Variants in KLF8 observed in about 807,000 individuals in gnomAD.
KLF8 encodes the protein KLF transcription factor 8.
Under a neutral mutation model 18.2 loss-of-function variants are expected in KLF8, and 10 were observed. That is an observed-to-expected ratio of 0.55 (90% CI 0.34 to 0.93). KLF8 has a LOEUF of 0.93. Ranked by LOEUF, KLF8 falls within the 40% of genes least tolerant of loss-of-function variation. The pLI, the probability that KLF8 is intolerant of heterozygous loss-of-function variation, is 0.02. For missense variants in KLF8, 264 were observed against 277.9 expected, an observed-to-expected ratio of 0.95 and a Z score of 0.36; for synonymous variants, 109 against 97.3, an observed-to-expected ratio of 1.12 and a Z score of -0.71.
the KLF8 span, among the ~76,000 whole-genome samples, chrX:56,199,204 A>G: frequency 8.9e-6 from 1 of 112,177 alleles, no homozygotes; most frequent in Non-Finnish European, 1.9e-5. Context: ...CTAAAACACC[A>G]AAAGAAATGG....
chrX:56,284,088 C>G (rs912066645), intron 5 of KLF8, among the ~76,000 whole-genome samples: 3 of 112,456 alleles, frequency 2.7e-5, no homozygotes, highest in African/African-American at 9.7e-5. Flanking sequence ...ATTAACTCGA[C>G]TTAGCCATTC....
the KLF8 span, among the ~76,000 whole-genome samples, chrX:56,110,250 A>G: frequency 9.0e-6 from 1 of 111,242 alleles, no homozygotes; most frequent in African/African-American, 3.3e-5. Flanking sequence ...TTTAACTTAA[A>G]GTGTTTTTTT....
chrX:56,130,527 C>A, the KLF8 span, among the ~76,000 whole-genome samples: 1 of 111,686 alleles, frequency 9.0e-6, no homozygotes, highest in African/African-American at 3.3e-5. Context: ...GATCTTCGCT[C>A]TGACATAGCC....
At chrX:56,130,504 G>A in the KLF8 span, among the ~76,000 whole-genome samples, 2 of 110,195 alleles carry the variant, frequency 1.8e-5, no homozygotes, top group African/African-American at 3.3e-5. Flanking sequence ...GTGAACTGCA[G>A]CCTTCAGCCC....
chrX:56,059,712 T>C, the KLF8 span, among the ~76,000 whole-genome samples: 1 of 111,568 alleles, frequency 9.0e-6, no homozygotes, highest in Non-Finnish European at 1.9e-5. Flanking sequence ...TATTGGTCTA[T>C]ATATCTGTTT....
chrX:56,190,576 G>A, the KLF8 span, among the ~76,000 whole-genome samples: 1 of 110,884 alleles, frequency 9.0e-6, no homozygotes, highest in Non-Finnish European at 1.9e-5. Context: ...TCATATTTTA[G>A]GTAACAAACA....
Position 56,284,296 on chromosome X carries a change from T to C in KLF8, c.899-17T>C. On this transcript the variant is annotated splice_polypyrimidine_tract_variant and intron_variant, in intron 5 of 5. Coordinates refer to ENST00000468660, the MANE Select transcript of KLF8 (RefSeq NM_007250.5). ...CCTCTCTCTGATTCTCTTTTTTTTG[T>C]CACATTCCCTTTTTAGGAGAGAAGC... The C allele has an allele frequency of 9.1e-7, 1 of 1,099,005 alleles. No homozygotes were observed. Among genetic ancestry groups the C allele is most frequent in the Non-Finnish European group, 1.2e-6 (1 of 833,229 alleles). 90.6% of individuals were successfully genotyped at this position (1,099,005 alleles called of 1,213,427 possible). A position where few individuals can be genotyped will look rare whatever the true frequency, so the allele number is the denominator to read the frequency against.
the KLF8 span, among the ~76,000 whole-genome samples, chrX:56,105,145 A>G: frequency 9.0e-6 from 1 of 111,593 alleles, no homozygotes; most frequent in East Asian, 2.8e-4. Flanking sequence ...TTATGTGGTC[A>G]ATTTTGGAAT....
chrX:56,006,129 C>T, the KLF8 span, among the ~76,000 whole-genome samples: 4 of 112,156 alleles, frequency 3.6e-5, no homozygotes, highest in South Asian at 1.5e-3. Flanking sequence ...CTTACACATC[C>T]CTGGCCATGC....
At chrX:56,042,177 T>A in the KLF8 span, among the ~76,000 whole-genome samples, 1 of 112,211 alleles carries the variant, frequency 8.9e-6, no homozygotes, top group Non-Finnish European at 1.9e-5. Context: ...TTCCATGTAC[T>A]TGTATGGTTT....
At chrX:56,273,513 C>T (rs2067083485) in intron 5 of KLF8, among the ~76,000 whole-genome samples, 1 of 109,457 alleles carries the variant, frequency 9.1e-6, no homozygotes, top group African/African-American at 3.3e-5. Context: ...GGTAACCATC[C>T]TTTTACCTCT....
the KLF8 span, among the ~76,000 whole-genome samples, chrX:56,189,054 A>T: frequency 8.9e-6 from 1 of 111,979 alleles, no homozygotes; most frequent in South Asian, 3.7e-4. Context: ...TCTGCACAGC[A>T]AAAGAAACTA....
chrX:56,216,468 C>CT, the KLF8 span, among the ~76,000 whole-genome samples: 1 of 110,537 alleles, frequency 9.0e-6, no homozygotes, highest in African/African-American at 3.3e-5. Context: ...AGTGATCCTC[C>CT]TGCCTTAGCT....
the KLF8 span, among the ~76,000 whole-genome samples, chrX:56,180,514 G>A: frequency 4.7e-3 from 517 of 110,662 alleles, 1 homozygote; most frequent in African/African-American, 0.016. Context: ...GCTTTTGAAT[G>A]TGTTTGCTCT....
At chrX:56,156,646 A>C in the KLF8 span, among the ~76,000 whole-genome samples, 2 of 108,916 alleles carry the variant, frequency 1.8e-5, no homozygotes, top group Admixed American at 1.0e-4. Context: ...ATTTGTATAC[A>C]TGTGCCATGT....
At chrX:55,930,479 C>T in the KLF8 span, among the ~76,000 whole-genome samples, 7 of 112,195 alleles carry the variant, frequency 6.2e-5, no homozygotes, top group Admixed American at 4.7e-4. Flanking sequence ...AAAGGGAATG[C>T]TTTCAGCCTT....
chrX:56,161,097 T>C, the KLF8 span, among the ~76,000 whole-genome samples: 1 of 111,601 alleles, frequency 9.0e-6, no homozygotes, highest in Non-Finnish European at 1.9e-5. Context: ...GGTGACAAAA[T>C]CTCTGAACAT....
chrX:56,039,324 A>G, the KLF8 span, among the ~76,000 whole-genome samples: 1 of 111,792 alleles, frequency 8.9e-6, no homozygotes, highest in Admixed American at 9.5e-5. Context: ...ATTTTCTTCT[A>G]GAGTTATTAT....
chrX:56,104,074 A>C, the KLF8 span, among the ~76,000 whole-genome samples: 1 of 111,717 alleles, frequency 9.0e-6, no homozygotes, highest in African/African-American at 3.2e-5. Flanking sequence ...ACTTGATCAT[A>C]GTGGATAAGC....
Sources: gnomAD v4.1 joint callset for allele counts (sites outside exome capture counted in the v4.1 genomes callset) on GRCh38, gnomAD v4.1.1 for gene constraint, MANE v1.5 for transcripts, NCBI Gene and HGNC (gene_info 2026-07-23, HGNC 2026-07-21) for gene names.